Variants in TMEM59 observed in about 807,000 individuals in gnomAD.
TMEM59 encodes dendritic cell factor 1.
Under a neutral mutation model 42.2 loss-of-function variants are expected in TMEM59, and 44 were observed. The observed-to-expected ratio is 1.04, with a 90% CI of 0.82 to 1.34. The LOEUF (loss-of-function observed/expected upper bound fraction) is 1.34, where lower values mean the gene tolerates loss of function less well. TMEM59 is among the 40% of genes most tolerant of loss of function. The pLI, the probability that TMEM59 is intolerant of heterozygous loss-of-function variation, is 0.00. For synonymous variants in TMEM59, 148 were observed against 145.8 expected (o/e 1.02, Z -0.11); for missense variants, 359 against 382.8 (o/e 0.94, Z 0.52).
At position 54,032,153 on chromosome 1, in the gene TMEM59, A is replaced by C. The variant is rs1473108548; in HGVS notation, c.969T>G (p.Ile323Met). 1.2e-6 allele frequency: 2 copies of C among 1,605,742 alleles called. No homozygotes were observed. Among genetic ancestry groups the C allele is most frequent in the African/African-American group, 1.3e-5 (1 of 74,510 alleles). Reference sequence around the variant, plus strand: ...TTGTCTTTTAAAAGAAAAATGCTTAAATTTCAGAATGAGCAAGATTCACTT... The same window carrying C: ...TTGTCTTTTAAAAGAAAAATGCTTACATTTCAGAATGAGCAAGATTCACTT... ...PTKVNLAHSEI is the reference protein window; with the variant it reads ...PTKVNLAHSEM The change falls in exon 8 of 8, where the codon ATT (isoleucine) becomes ATG (methionine). Residue 323 changes from isoleucine (I) to methionine (M), a missense_variant. By Grantham distance (10) the Ile-to-Met change is conservative. Transcript: ENST00000234831.
chr1:54,041,481 G>A (rs966716009), intron 5 of TMEM59, among the ~76,000 whole-genome samples: 1 of 152,248 alleles, frequency 6.6e-6, no homozygotes, highest in African/African-American at 2.4e-5. Flanking sequence ...TCTGGAACTT[G>A]TGAGAAATAC....
Position 54,047,362 on chromosome 1 carries a change from A to G in TMEM59, c.200T>C (p.Leu67Ser). 6.2e-7 allele frequency: 1 copy of G among 1,613,602 alleles called. No individual in the cohort carries two copies. The highest frequency in any genetic ancestry group is 2.2e-5 in the East Asian group (1 of 44,852). Residue 67 changes from leucine (L) to serine (S), a missense_variant, in exon 2 of 8, where the codon TTG becomes TCG. By Grantham distance (145) the Leu-to-Ser change is moderately radical (BLOSUM62 -2). Transcript: ENST00000234831. ...CCTGCAACCTCTCTGACATGCGTAC[A>G]ACTCCTCTTCCTAGGGAGTTCAAGA... is the stretch of plus-strand genomic sequence containing the variant. ...PLHTYPKEEE[L>S]YACQRGCRLF... is the part of the protein sequence containing the mutation.
chr1:54,037,925 AG>A (rs1012835515), intron 6 of TMEM59, among the ~76,000 whole-genome samples: 3 of 152,212 alleles, frequency 2.0e-5, no homozygotes, highest in Non-Finnish European at 2.9e-5. Context: ...AGATTCCAGT[AG>A]CAACTACCTA....
rs770720433 is a variant in TMEM59, at chr1:54,041,783, G to A, written c.566C>T (p.Ala189Val). The A allele has an allele frequency of 6.2e-7, 1 of 1,613,212 alleles. No individual in the cohort carries two copies. The highest frequency in any genetic ancestry group is 1.3e-5 in the African/African-American group (1 of 74,888). Reference protein sequence around the residue: ...IFQSKPEIQYAPHLEQEPTNL... With the variant: ...IFQSKPEIQYVPHLEQEPTNL... ...TGTAGGCTCCTGCTCCAAATGTGGT[G>A]CGTACTGGATTTCTGGCTTAGACTA... Residue 189 changes from alanine (A) to valine (V), a missense_variant, in exon 5 of 8, where the codon GCA becomes GTA. Coordinates refer to ENST00000234831, the MANE Select transcript of TMEM59 (RefSeq NM_004872.5).
upstream of TMEM59, chr1:54,053,387 G>T: frequency 1.6e-6 from 1 of 624,768 alleles, no homozygotes; most frequent in Non-Finnish European, 2.7e-6. Flanking sequence ...CTCCTAGGCT[G>T]GCGTGAGGAG....
rs1457344118 is a variant in TMEM59, at chr1:54,030,952, T to G, written c.*1198A>C. The G allele has an allele frequency of 6.6e-6, 1 of 152,142 alleles. No homozygotes were observed. Among genetic ancestry groups the G allele is most frequent in the African/African-American group, 2.4e-5 (1 of 41,418 alleles). 9.4% of individuals were successfully genotyped at this position (152,142 alleles called of 1,614,324 possible). A position where few individuals can be genotyped will look rare whatever the true frequency, so the allele number is the denominator to read the frequency against. On this transcript the variant is annotated 3_prime_UTR_variant, in exon 8 of 8. Transcript: ENST00000234831. ...TTTATGGCATAATAACAGTGAATCA[T>G]ATTAGAATTCTGGTGTAGGCTGGGC...
chr1:54,036,722 GAA>G lies in TMEM59; in HGVS notation c.708-6_708-5del. 3 of 1,467,402 alleles carry G rather than the reference GAA, an allele frequency of 2.0e-6. No individual in the cohort carries two copies. The highest frequency in any genetic ancestry group is 2.3e-5 in the Admixed American group (1 of 44,338). The allele number at this position is 1,467,402 out of a possible 1,614,324, so 90.9% of individuals were successfully genotyped here. A position where few individuals can be genotyped will look rare whatever the true frequency, so the allele number is the denominator to read the frequency against. Reference sequence around the variant, plus strand: ...AGTTAAAATCCACCCAGAGTTACTGGAAAAAAAAAATCAACAATTAGTTATAT... The same window carrying G: ...AGTTAAAATCCACCCAGAGTTACTGGAAAAAAAATCAACAATTAGTTATAT... On this transcript the variant is annotated splice_region_variant and splice_polypyrimidine_tract_variant and intron_variant, in intron 6 of 7. Coordinates refer to ENST00000234831, the MANE Select transcript of TMEM59 (RefSeq NM_004872.5).
chr1:54,039,732 C>G lies in TMEM59; in HGVS notation c.707+1024G>C, dbSNP rs1009420791. 4.6e-5 allele frequency among the ~76,000 whole-genome samples: 7 copies of G among 152,144 alleles called. No individual in the cohort carries two copies. In the East Asian group the frequency reaches 7.7e-4, roughly 17 times the overall value. ...CTATAAAGCAGAAACTTGTTTACCA[C>G]TCACTGAAATGCTTGACCTGGTATC... On this transcript the variant is annotated intron_variant, in intron 6 of 7. Coordinates refer to ENST00000234831, the MANE Select transcript of TMEM59 (RefSeq NM_004872.5).
rs1329887900 is a variant in TMEM59 at position 54,031,076 on chromosome 1, A to C, written c.*1074T>G. On this transcript the variant is annotated 3_prime_UTR_variant, in exon 8 of 8. Transcript: ENST00000234831. Reference sequence around the variant, plus strand: ...AGACCAGCCTGGCCAACCTGGTGAAACCCCGTCTCTACTAAAAATACAAAA... The same window carrying C: ...AGACCAGCCTGGCCAACCTGGTGAACCCCCGTCTCTACTAAAAATACAAAA... 1 of 151,918 alleles carries C rather than the reference A, an allele frequency of 6.6e-6. No homozygotes were observed. Among genetic ancestry groups the C allele is most frequent in the Non-Finnish European group, 1.5e-5 (1 of 68,038 alleles). The allele number at this position is 151,918 out of a possible 1,614,324, so 9.4% of individuals were successfully genotyped here.
At chr1:54,051,544 A>C (rs1657538942) in intron 1 of TMEM59, among the ~76,000 whole-genome samples, 1 of 152,264 alleles carries the variant, frequency 6.6e-6, no homozygotes, top group South Asian at 2.1e-4. Flanking sequence ...TATCCTTTCA[A>C]ATTATTTGAT....
At chr1:54,048,180 T>C (rs1312308631) in intron 1 of TMEM59, among the ~76,000 whole-genome samples, 1 of 152,130 alleles carries the variant, frequency 6.6e-6, no homozygotes, top group Non-Finnish European at 1.5e-5. Context: ...TCTATAAAAA[T>C]GTTTATATGA....
At chr1:54,039,425 C>T (rs1335777235) in intron 6 of TMEM59, among the ~76,000 whole-genome samples, 1 of 152,132 alleles carries the variant, frequency 6.6e-6, no homozygotes, top group Non-Finnish European at 1.5e-5. Context: ...CTGCAACATA[C>T]ATCCTAAATA....
intron 4 of TMEM59, 64 bp from the exon 5 acceptor site, chr1:54,041,869 C>A: frequency 1.6e-6 from 2 of 1,282,078 alleles, no homozygotes; most frequent in South Asian, 1.3e-5. Flanking sequence ...GTAACAAGTT[C>A]TAAAACAAAT....
At chr1:54,041,631 G>C (rs1657140061) in intron 5 of TMEM59, 93 bp downstream of exon 5, 1 of 966,262 alleles carries the variant, frequency 1.0e-6, no homozygotes, top group African/African-American at 1.6e-5. Context: ...ATCTGTTTAT[G>C]TTCCATCAGT....
intron 1 of TMEM59, among the ~76,000 whole-genome samples, chr1:54,052,262 G>A (rs1657570072): frequency 6.6e-6 from 1 of 152,100 alleles, no homozygotes; most frequent in African/African-American, 2.4e-5. Flanking sequence ...AGAAAGGGGG[G>A]AAGCATAGAG....
At chr1:54,037,138 A>G (rs1656978624) in intron 6 of TMEM59, among the ~76,000 whole-genome samples, 1 of 152,204 alleles carries the variant, frequency 6.6e-6, no homozygotes, top group Admixed American at 6.5e-5. Flanking sequence ...GTAAATTTAA[A>G]ATGATCATTT....
chr1:54,053,049 G>A lies in TMEM59; in HGVS notation c.140C>T (p.Ser47Phe). 1 of 1,614,182 alleles carries A rather than the reference G, an allele frequency of 6.2e-7. No individual in the cohort carries two copies. ...GGTCAACTGACAGGCCCGGTGGCAA[G>A]ACGCCGTATCACCCAAGACCGAGTC... ...AFDSVLGDTA[S>F]CHRACQLTYP... Residue 47 changes from serine (S) to phenylalanine (F), a missense_variant, in exon 1 of 8, where the codon TCT becomes TTT. Physicochemically the swap from Ser to Phe is radical, Grantham distance 155 (BLOSUM62 -2). Coordinates refer to ENST00000234831, the MANE Select transcript of TMEM59 (RefSeq NM_004872.5).
At chr1:54,034,878 C>T (rs1015357174) in intron 7 of TMEM59, 1 of 152,110 alleles carries the variant, frequency 6.6e-6, no homozygotes, top group Non-Finnish European at 1.5e-5. Context: ...TGACCGTTGG[C>T]TCTGGGGCAC....
intron 1 of TMEM59, chr1:54,048,755 A>G (rs1212753229): frequency 2.8e-6 from 1 of 359,734 alleles, no homozygotes; most frequent in Non-Finnish European, 5.8e-6. Flanking sequence ...TCTTTCCAGC[A>G]AAAGGATTAG....
Sources: gnomAD v4.1 joint callset for allele counts (sites outside exome capture counted in the v4.1 genomes callset) on GRCh38, gnomAD v4.1.1 for gene constraint, MANE v1.5 for transcripts, NCBI Gene and HGNC (gene_info 2026-07-23, HGNC 2026-07-21) for gene names.